PCBD2: variants seen among roughly 807,000 people sequenced by gnomAD.
PCBD2 encodes pterin-4 alpha-carbinolamine dehydratase 2, also known as pterin-4-alpha-carbinolamine dehydratase 2.
A neutral mutation model predicts 16.4 loss-of-function variants in PCBD2; 12 were observed. The ratio of observed to expected loss-of-function variants is 0.73; its 90% confidence interval spans 0.47 to 1.19. PCBD2 has a LOEUF of 1.19. PCBD2 is among the 50% of genes most tolerant of loss of function. PCBD2 has a pLI of 0.00. For synonymous variants in PCBD2, 58 were observed against 61.8 expected, an observed-to-expected ratio of 0.94 and a Z score of 0.29; for missense variants, 138 against 156.8, an observed-to-expected ratio of 0.88 and a Z score of 0.64.
intron 2 of PCBD2, among the ~76,000 whole-genome samples, chr5:134,920,146 A>G (rs1243678432): frequency 6.6e-6 from 1 of 152,210 alleles, no homozygotes; most frequent in Non-Finnish European, 1.5e-5. Flanking sequence ...CAAAGCAGTA[A>G]TATTCTCTCC....
rs182740227 is a variant in PCBD2, at chr5:134,928,662, G to T, written c.216+18196G>T. 25 of 163,286 alleles carry T rather than the reference G, an allele frequency of 1.5e-4. No individual in the cohort carries two copies. In the East Asian group the frequency reaches 4.3e-3, roughly 28 times the overall value. The allele number at this position is 163,286 out of a possible 1,614,324, so 10.1% of individuals were successfully genotyped here. A position where few individuals can be genotyped will look rare whatever the true frequency, so the allele number is the denominator to read the frequency against. On this transcript the variant is annotated intron_variant, in intron 2 of 3. Transcript: ENST00000254908. Reference sequence around the variant, plus strand: ...ATCCTGGCTAACGTGGTGAAACCCCGTCTCTACTAAAAATACAAAAAAATT... The same window carrying T: ...ATCCTGGCTAACGTGGTGAAACCCCTTCTCTACTAAAAATACAAAAAAATT...
intron 2 of PCBD2, among the ~76,000 whole-genome samples, chr5:134,938,388 T>C (rs895237008): frequency 3.9e-5 from 6 of 152,218 alleles, no homozygotes; most frequent in African/African-American, 1.4e-4. Context: ...AAGGAACCTT[T>C]TCTCTGAATG....
chr5:134,927,118 A>G, intron 2 of PCBD2: 1 of 398,532 alleles, frequency 2.5e-6, no homozygotes, highest in Non-Finnish European at 4.4e-6. Context: ...GTGAAGCTTC[A>G]GGGGGTTTGG....
chr5:134,935,845 G>C (rs904374934), intron 2 of PCBD2, among the ~76,000 whole-genome samples: 3 of 152,174 alleles, frequency 2.0e-5, no homozygotes, highest in Non-Finnish European at 4.4e-5. Context: ...TGTTGGCGCC[G>C]AGGCTAGGGC....
intron 2 of PCBD2, among the ~76,000 whole-genome samples, chr5:134,953,189 C>A (rs1751377827): frequency 6.6e-6 from 1 of 151,826 alleles, no homozygotes; most frequent in African/African-American, 2.4e-5. Flanking sequence ...TAAAACATGG[C>A]AGAACCAAAA....
intron 2 of PCBD2, chr5:134,924,037 G>A (rs554572113): frequency 1.8e-4 from 70 of 395,836 alleles, no homozygotes; most frequent in African/African-American, 1.0e-3. Context: ...TTAATTTTGC[G>A]TATTGGGGTC....
intron 2 of PCBD2, among the ~76,000 whole-genome samples, chr5:134,917,275 G>T (rs952207380): frequency 6.6e-6 from 1 of 152,228 alleles, no homozygotes; most frequent in Non-Finnish European, 1.5e-5. Context: ...TCCAGGGCAG[G>T]AGCCCAGCCG....
intron 2 of PCBD2, among the ~76,000 whole-genome samples, chr5:134,911,618 A>T (rs1750769661): frequency 6.6e-6 from 1 of 152,212 alleles, no homozygotes; most frequent in African/African-American, 2.4e-5. Context: ...CATTGATTAC[A>T]GTGTTTGCTA....
At chr5:134,918,436 C>T (rs1750860452) in intron 2 of PCBD2, among the ~76,000 whole-genome samples, 1 of 152,124 alleles carries the variant, frequency 6.6e-6, no homozygotes, top group Admixed American at 6.5e-5. Context: ...ACCCGGGAGG[C>T]GGAGGTTGCA....
chr5:134,962,286 G>T lies in PCBD2; in HGVS notation c.*1605G>T, dbSNP rs60273466. On this transcript the variant is annotated 3_prime_UTR_variant, in exon 4 of 4. Coordinates refer to ENST00000254908, the MANE Select transcript of PCBD2 (RefSeq NM_032151.5). ...TTTAAAACTTTTTTGTGGAGACAGG[G>T]TCTTACTATGTTGCCATGGCTGGTC... Among the ~76,000 whole-genome samples the T allele has an allele frequency of 1.6e-4, 25 of 152,132 alleles. No homozygotes were observed. Among genetic ancestry groups the T allele is most frequent in the African/African-American group, 5.8e-4 (24 of 41,492 alleles).
intron 2 of PCBD2, among the ~76,000 whole-genome samples, chr5:134,918,634 C>G: frequency 6.6e-6 from 1 of 152,196 alleles, no homozygotes; most frequent in African/African-American, 2.4e-5. Context: ...TTAACATGTG[C>G]TCATGATTGG....
intron 2 of PCBD2, among the ~76,000 whole-genome samples, chr5:134,912,280 T>C (rs1207786384): frequency 6.6e-6 from 1 of 152,202 alleles, no homozygotes; most frequent in African/African-American, 2.4e-5. Context: ...GTTTTCCCAC[T>C]AGGCTCCTAT....
intron 1 of PCBD2, among the ~76,000 whole-genome samples, chr5:134,907,178 C>A (rs1750702986): frequency 6.6e-6 from 1 of 152,244 alleles, no homozygotes; most frequent in African/African-American, 2.4e-5. Context: ...AGTGTGGACA[C>A]ACATAATTCT....
intron 2 of PCBD2, chr5:134,928,000 G>A (rs1225249008): frequency 5.0e-6 from 2 of 396,132 alleles, no homozygotes; most frequent in South Asian, 1.3e-4. Context: ...CATGTCAGTG[G>A]TAGTAATATA....
chr5:134,925,931 T>C, intron 2 of PCBD2: 1 of 391,498 alleles, frequency 2.6e-6, no homozygotes, highest in Non-Finnish European at 4.5e-6. Flanking sequence ...ATGTCGCCGA[T>C]ACGGTTGTAT....
chr5:134,914,924 C>T (rs763161965), intron 2 of PCBD2, among the ~76,000 whole-genome samples: 7 of 152,270 alleles, frequency 4.6e-5, no homozygotes, highest in East Asian at 1.9e-4. Flanking sequence ...CTGCCCGCCT[C>T]GGCCTACCAA....
At chr5:134,946,019 T>C (rs145690916) in intron 2 of PCBD2, among the ~76,000 whole-genome samples, 5 of 152,070 alleles carry the variant, frequency 3.3e-5, no homozygotes, top group East Asian at 1.9e-4. Context: ...TTCCTTTCTT[T>C]GTGGCTATAA....
intron 1 of PCBD2, 161 bp downstream of exon 1, chr5:134,905,384 T>C (rs1001107112): frequency 1.1e-5 from 6 of 531,244 alleles, no homozygotes; most frequent in African/African-American, 4.0e-5. Flanking sequence ...TGACCACCTG[T>C]CCGGTGCGCC....
intron 1 of PCBD2, chr5:134,908,880 G>T (rs1040445057): frequency 1.4e-4 from 21 of 152,112 alleles, no homozygotes; most frequent in African/African-American, 5.1e-4. Context: ...CAGCTTAATG[G>T]CAGAGAATCC....
Sources: gnomAD v4.1 joint callset for allele counts (sites outside exome capture counted in the v4.1 genomes callset) on GRCh38, gnomAD v4.1.1 for gene constraint, MANE v1.5 for transcripts, NCBI Gene and HGNC (gene_info 2026-07-23, HGNC 2026-07-21) for gene names.